CYP2C8: variants seen among roughly 807,000 people sequenced by gnomAD.
CYP2C8 encodes the protein cytochrome P450 2C8.
CYP2C8 carries 51 observed loss-of-function variants against 41.3 expected under a neutral mutation model. That is an observed-to-expected ratio of 1.24 (90% CI 0.99 to 1.56). The LOEUF is 1.56. CYP2C8 is among the 40% of genes most tolerant of loss of function. The probability of loss-of-function intolerance (pLI) is 0.00; values close to 1 mark genes in which losing one functional copy is unlikely to be tolerated. For missense variants in CYP2C8, 651 were observed against 579.9 expected (o/e 1.12, Z -1.26); for synonymous variants, 218 against 205.8 (o/e 1.06, Z -0.51).
rs1343783562 is a variant in CYP2C8, at chr10:95,069,173, A to G, written c.168+62T>C. On this transcript the variant is annotated intron_variant, in intron 1 of 8. Transcript: ENST00000371270. The stretch of plus-strand genomic sequence containing the variant: ...GTGCTTCCAGGAATATATTTTGTCT[A>G]AAAATAGCAGTCAAATAACTTACCC... 5 of 1,577,760 alleles carry G rather than the reference A, an allele frequency of 3.2e-6. No individual in the cohort carries two copies. In the South Asian group the frequency reaches 5.5e-5, roughly 17 times the overall value.
chr10:95,060,161 T>C (rs1419685559), intron 4 of CYP2C8, among the ~76,000 whole-genome samples: 1 of 138,270 alleles, frequency 7.2e-6, no homozygotes, highest in East Asian at 2.0e-4. Flanking sequence ...TTTAAAGTAG[T>C]TTTTTCCAAT....
chr10:95,037,035 G>T lies in CYP2C8; in HGVS notation c.*93C>A. On this transcript the variant is annotated 3_prime_UTR_variant, in exon 9 of 9. Coordinates refer to ENST00000371270, the MANE Select transcript of CYP2C8 (RefSeq NM_000770.3). ...TATTGAGTGAATGGGAAGATTTGATGAGAGGTCAGAGAAGACATAATAGTG... is the reference window on the plus strand; with the variant it reads ...TATTGAGTGAATGGGAAGATTTGATTAGAGGTCAGAGAAGACATAATAGTG... 8.5e-7 allele frequency: 1 copy of T among 1,181,832 alleles called. No individual in the cohort carries two copies. The highest frequency in any genetic ancestry group is 1.3e-6 in the Non-Finnish European group (1 of 795,682). The allele number at this position is 1,181,832 out of a possible 1,614,324, so 73.2% of individuals were successfully genotyped here. A position where few individuals can be genotyped will look rare whatever the true frequency, so the allele number is the denominator to read the frequency against.
rs775351304 is a variant in CYP2C8 at position 95,069,299 on chromosome 10, G to A, written c.104C>T (p.Pro35Leu). The A allele has an allele frequency of 6.2e-7, 1 of 1,613,986 alleles. No homozygotes were observed. The change falls in exon 1 of 9, where the codon CCT becomes CTT. Residue 35 changes from proline to leucine, a missense_variant. Physicochemically the swap from Pro to Leu is moderately conservative, Grantham distance 98. Coordinates refer to ENST00000371270, the MANE Select transcript of CYP2C8 (RefSeq NM_000770.3). ...RRRKLPPGPT[P>L]LPIIGNMLQI... The stretch of plus-strand genomic sequence containing the variant: ...TAGCATATTTCCAATAATAGGAAGA[G>A]GAGTGGGGCCAGGAGGGAGCTTCCT...
In CYP2C8 at chr10:95,042,929, C is replaced by A; in HGVS notation, c.1110G>T (p.Val370=). ...DLVPTGVPHA[V]TTDTKFRNYL... is the part of the protein sequence containing the mutation. ...AGTTTCTGAACTTAGTATCAGTGGT[C>A]ACTGCATGGGGCACACCGGTGGGGA... Residue 370 remains valine, a synonymous_variant, in exon 7 of 9, where the codon GTG becomes GTT. Transcript: ENST00000371270. The A allele has an allele frequency of 6.2e-7, 1 of 1,614,118 alleles. No individual in the cohort carries two copies. Among genetic ancestry groups the A allele is most frequent in the Non-Finnish European group, 8.5e-7 (1 of 1,179,976 alleles).
chr10:95,042,808 G>T, intron 7 of CYP2C8, 82 bp downstream of exon 7: 2 of 1,148,244 alleles, frequency 1.7e-6, no homozygotes, highest in Non-Finnish European at 2.6e-6. Context: ...CTCTCATCTT[G>T]TGTTGTTAGA....
At chr10:95,060,192 T>TGTA (rs2033397234) in intron 4 of CYP2C8, among the ~76,000 whole-genome samples, 1 of 151,430 alleles carries the variant, frequency 6.6e-6, no homozygotes, top group Non-Finnish European at 1.5e-5. Context: ...AAGTCATTGG[T>TGTA]GCTTGATGGG....
chr10:95,042,181 G>T (rs12571878), intron 7 of CYP2C8, among the ~76,000 whole-genome samples: 29,886 of 151,972 alleles, frequency 0.2, 3,112 homozygotes, highest in East Asian at 0.39. Flanking sequence ...GAAAATCCTA[G>T]CCAGCACAAT....
rs567126506 is a variant in CYP2C8, at chr10:95,050,922, A to C, written c.820-4971T>G. On this transcript the variant is annotated intron_variant, in intron 5 of 8. Transcript: ENST00000371270. ...AGACAACAAAAATACCTAACTCTAGAATGCCCAGCCCCCGATGAATATCTA... is the reference window on the plus strand; with the variant it reads ...AGACAACAAAAATACCTAACTCTAGCATGCCCAGCCCCCGATGAATATCTA... Among the ~76,000 whole-genome samples the C allele has an allele frequency of 2.6e-5, 4 of 152,306 alleles. No individual in the cohort carries two copies. In the South Asian group the frequency reaches 8.3e-4, roughly 32 times the overall value.
At position 95,069,270 on chromosome 10, in the gene CYP2C8, T is replaced by C. The variant is rs771032812; in HGVS notation, c.133A>G (p.Ile45Val). The C allele has an allele frequency of 1.5e-5, 24 of 1,613,954 alleles. No individual in the cohort carries two copies. In the South Asian group the frequency reaches 2.2e-4, roughly 15 times the overall value. Residue 45 changes from isoleucine (I) to valine (V), a missense_variant, in exon 1 of 9, where the codon ATA becomes GTA. By Grantham distance (29) the Ile-to-Val change is conservative (BLOSUM62 3). Coordinates refer to ENST00000371270, the MANE Select transcript of CYP2C8 (RefSeq NM_000770.3). ...PLPIIGNMLQ[I>V]DVKDICKSFT... Reference sequence around the variant, plus strand: ...GATTTGCAGATGTCCTTAACATCTATCTGTAGCATATTTCCAATAATAGGA... The same window carrying C: ...GATTTGCAGATGTCCTTAACATCTACCTGTAGCATATTTCCAATAATAGGA...
At chr10:95,067,492 C>T (rs774778262) in intron 2 of CYP2C8, 37 bp downstream of exon 2, 1 of 1,613,890 alleles carries the variant, frequency 6.2e-7, no homozygotes. Flanking sequence ...CCCCTCACCC[C>T]AGTTACCAAA....
intron 6 of CYP2C8, among the ~76,000 whole-genome samples, chr10:95,044,349 A>T (rs554573130): frequency 2.1e-4 from 32 of 152,326 alleles, no homozygotes; most frequent in African/African-American, 7.2e-4. Context: ...ATATGACCTG[A>T]TATAACTCTC....
intron 1 of CYP2C8, among the ~76,000 whole-genome samples, chr10:95,068,879 T>C (rs1364299355): frequency 1.3e-5 from 2 of 152,028 alleles, no homozygotes; most frequent in Non-Finnish European, 2.9e-5. Flanking sequence ...GCTAACACGG[T>C]GAAACCCTGT....
At chr10:95,055,099 T>A (rs1436911395) in intron 5 of CYP2C8, among the ~76,000 whole-genome samples, 2 of 152,154 alleles carry the variant, frequency 1.3e-5, no homozygotes. Context: ...ACAATTCCAA[T>A]GTCCTTTTTA....
chr10:95,054,851 G>A (rs566266276), intron 5 of CYP2C8, among the ~76,000 whole-genome samples: 9 of 152,162 alleles, frequency 5.9e-5, no homozygotes, highest in African/African-American at 2.2e-4. Context: ...TAATCAAGAA[G>A]ATAAAAGACT....
At chr10:95,066,669 C>T (rs1028976067) in intron 3 of CYP2C8, among the ~76,000 whole-genome samples, 2 of 152,076 alleles carry the variant, frequency 1.3e-5, no homozygotes, top group Non-Finnish European at 1.5e-5. Flanking sequence ...TAAAACCATA[C>T]ATAGTGTCAT....
At chr10:95,046,748 TAAAA>T (rs56702266) in intron 5 of CYP2C8, among the ~76,000 whole-genome samples, 7 of 128,960 alleles carry the variant, frequency 5.4e-5, no homozygotes, top group South Asian at 2.6e-4. Flanking sequence ...CTAAATATGG[TAAAA>T]AAAAAAAAAA....
At chr10:95,065,058 A>AAATT (rs2033531301) in intron 3 of CYP2C8, 98 bp from the exon 4 acceptor site, 30 of 1,103,200 alleles carry the variant, frequency 2.7e-5, no homozygotes, top group Non-Finnish European at 3.4e-5. Context: ...ATTTTAAACA[A>AAATT]TATCTTACAA....
At chr10:95,046,465 C>G (rs2033111152) in intron 5 of CYP2C8, among the ~76,000 whole-genome samples, 1 of 152,050 alleles carries the variant, frequency 6.6e-6, no homozygotes, top group African/African-American at 2.4e-5. Context: ...AACAAGCTAT[C>G]AAGAACTACC....
At position 95,058,439 on chromosome 10, in the gene CYP2C8, G is replaced by A. The variant is rs765484240; in HGVS notation, c.715C>T (p.Leu239Phe). The change falls in exon 5 of 9, where the codon CTT becomes TTT. Residue 239 changes from leucine (L) to phenylalanine (F), a missense_variant. Physicochemically the swap from Leu to Phe is conservative, Grantham distance 22. Transcript: ENST00000371270. ...THNKVLKNVA[L>F]TRSYIREKVK... ...TTCTCCCTAATGTAACTTCGTGTAA[G>A]AGCAACATTTTTAAGCACTTTGTTG... 3 of 1,613,426 alleles carry A rather than the reference G, an allele frequency of 1.9e-6. No homozygotes were observed. The highest frequency in any genetic ancestry group is 1.7e-6 in the Non-Finnish European group (2 of 1,179,670).
Sources: gnomAD v4.1 joint callset for allele counts (sites outside exome capture counted in the v4.1 genomes callset) on GRCh38, gnomAD v4.1.1 for gene constraint, MANE v1.5 for transcripts, NCBI Gene and HGNC (gene_info 2026-07-23, HGNC 2026-07-21) for gene names.